Variants in TLN2 observed in about 807,000 individuals in gnomAD.
TLN2 encodes the protein talin 2, also known as talin-2.
A neutral mutation model predicts 294.7 loss-of-function variants in TLN2; 118 were observed. The ratio of observed to expected loss-of-function variants is 0.40; its 90% CI spans 0.34 to 0.47. The LOEUF is 0.47. Ranked by LOEUF, TLN2 falls within the 20% of genes least tolerant of loss-of-function variation. The probability of loss-of-function intolerance (pLI) is 0.84; values close to 1 mark genes in which losing one functional copy is unlikely to be tolerated. For synonymous variants in TLN2, 1,431 were observed against 1,304.5 expected (o/e 1.10, Z -2.09); for missense variants, 3,083 against 3,282.2 (o/e 0.94, Z 1.48).
chr15:62,566,724 A>G (rs897615625), intron 1 of TLN2, among the ~76,000 whole-genome samples: 10 of 151,860 alleles, frequency 6.6e-5, no homozygotes, highest in South Asian at 2.1e-4. Flanking sequence ...CCTGGACTCA[A>G]GAGATGCTCT....
chr15:62,541,692 G>A (rs1184697663), intron 1 of TLN2, among the ~76,000 whole-genome samples: 1 of 152,102 alleles, frequency 6.6e-6, no homozygotes, highest in Non-Finnish European at 1.5e-5. Context: ...TTTATACAGT[G>A]GGTAGCTTCC....
chr15:62,732,853 A>G (rs1456631182), intron 28 of TLN2, among the ~76,000 whole-genome samples: 2 of 152,206 alleles, frequency 1.3e-5, no homozygotes, highest in African/African-American at 2.4e-5. Context: ...ACACAGGACC[A>G]TTGGTAGGAG....
chr15:62,453,232 G>C (rs992536081), intron 1 of TLN2, among the ~76,000 whole-genome samples: 3 of 150,772 alleles, frequency 2.0e-5, no homozygotes, highest in African/African-American at 7.3e-5. Flanking sequence ...GGTGCAGAGA[G>C]AGAGGCCATT....
At chr15:62,522,478 A>G (rs2040510749) in intron 1 of TLN2, among the ~76,000 whole-genome samples, 1 of 152,168 alleles carries the variant, frequency 6.6e-6, no homozygotes, top group South Asian at 2.1e-4. Context: ...TGGCATATGG[A>G]TAGGTCTGTG....
intron 3 of TLN2, among the ~76,000 whole-genome samples, chr15:62,623,795 T>G (rs2140866826): frequency 6.6e-6 from 1 of 152,332 alleles, no homozygotes; most frequent in East Asian, 1.9e-4. Flanking sequence ...CATTTGGAGA[T>G]GAGAATAAGT....
At chr15:62,839,835 A>G (rs1365796573) in intron 58 of TLN2, among the ~76,000 whole-genome samples, 1 of 152,210 alleles carries the variant, frequency 6.6e-6, no homozygotes, top group Non-Finnish European at 1.5e-5. Context: ...ATAACACTGG[A>G]GAATACTGCA....
chr15:62,744,838 G>A lies in TLN2; in HGVS notation c.4026-3513G>A, dbSNP rs958152061. ...TGGGATTCTAGGCGTGAGTCACCGCGCCTGGCCTAGATTATTTTTTAATCT... is the reference window on the plus strand; with the variant it reads ...TGGGATTCTAGGCGTGAGTCACCGCACCTGGCCTAGATTATTTTTTAATCT... On this transcript the variant is annotated intron_variant, in intron 32 of 58. Transcript: ENST00000636159. Among the ~76,000 whole-genome samples the A allele has an allele frequency of 5.9e-5, 9 of 152,270 alleles. 1 individual carries two copies. The South Asian group carries it at 1.0e-3, about 18-fold the overall frequency.
chr15:62,690,592 CT>C (rs1207537926), intron 12 of TLN2: 1 of 166,048 alleles, frequency 6.0e-6, no homozygotes, highest in Non-Finnish European at 1.2e-5. Flanking sequence ...AGAGACGCTC[CT>C]TACTTCCCAG....
At chr15:62,654,314 GT>G (rs1329557571) in intron 7 of TLN2, among the ~76,000 whole-genome samples, 6 of 152,072 alleles carry the variant, frequency 3.9e-5, no homozygotes, top group Non-Finnish European at 5.9e-5. Flanking sequence ...AGATTTAAAT[GT>G]TTGTGTTTAT....
At chr15:62,784,227 C>T (rs1167392585) in intron 45 of TLN2, 1 of 398,270 alleles carries the variant, frequency 2.5e-6, no homozygotes, top group Non-Finnish European at 4.4e-6. Flanking sequence ...CTTATCACTT[C>T]CTACTCCAGT....
chr15:62,436,144 G>T (rs549639212), intron 1 of TLN2, among the ~76,000 whole-genome samples: 1 of 152,192 alleles, frequency 6.6e-6, no homozygotes, highest in African/African-American at 2.4e-5. Context: ...TTGACCTGCA[G>T]TTCTAATTCA....
chr15:62,450,773 A>G (rs937538312), intron 1 of TLN2, among the ~76,000 whole-genome samples: 9 of 151,850 alleles, frequency 5.9e-5, no homozygotes. Context: ...ATCTTGCAAT[A>G]TTGCCCAGGC....
intron 1 of TLN2, among the ~76,000 whole-genome samples, chr15:62,419,948 A>G (rs1391599803): frequency 1.3e-5 from 2 of 152,082 alleles, no homozygotes; most frequent in African/African-American, 4.8e-5. Flanking sequence ...TTGACAACCC[A>G]AGGGGCATCT....
rs747782492 is a variant in TLN2, at chr15:62,736,954, C to T, written c.3435C>T (p.Thr1145=). The T allele has an allele frequency of 1.8e-5, 29 of 1,614,080 alleles. No individual in the cohort carries two copies. The highest frequency in any genetic ancestry group is 1.6e-4 in the Middle Eastern group (1 of 6,084). ...QAARGVAAST[T]DPAAAHAMLD... ...CCCGTGGAGTGGCTGCATCGACAAC[C>T]GACCCCGCGGCCGCCCATGCCATGT... Residue 1145 remains threonine (T), a synonymous_variant, in exon 29 of 59, where the codon ACC becomes ACT. Transcript: ENST00000636159.
At position 62,841,977 on chromosome 15, in the gene TLN2, C is replaced by T. The variant is rs557326841; in HGVS notation, c.*1367C>T. The T allele has an allele frequency of 6.6e-6, 1 of 152,102 alleles. No homozygotes were observed. The highest frequency in any genetic ancestry group is 1.9e-4 in the East Asian group (1 of 5,174). 9.4% of individuals were successfully genotyped at this position (152,102 alleles called of 1,614,324 possible). ...GCACTCACCCTCCGCCTCTCTCTCT[C>T]TCTCTCTCTCTGGTGTGCTATCATG... On this transcript the variant is annotated 3_prime_UTR_variant, in exon 59 of 59. Transcript: ENST00000636159.
intron 1 of TLN2, among the ~76,000 whole-genome samples, chr15:62,473,090 C>T (rs906107109): frequency 3.9e-5 from 6 of 152,166 alleles, no homozygotes; most frequent in African/African-American, 1.4e-4. Context: ...CTGGCTTTTC[C>T]CAGACTGGGA....
chr15:62,531,241 C>T (rs945605592), intron 1 of TLN2, among the ~76,000 whole-genome samples: 3 of 152,078 alleles, frequency 2.0e-5, no homozygotes, highest in Non-Finnish European at 4.4e-5. Context: ...TACTATTCAG[C>T]CTTAAAAAAG....
chr15:62,406,468 TCTC>T (rs2033412581), intron 1 of TLN2, among the ~76,000 whole-genome samples: 1 of 152,202 alleles, frequency 6.6e-6, no homozygotes, highest in Admixed American at 6.5e-5. Context: ...CTCTGTGCCT[TCTC>T]CTGCAGAGTA....
intron 1 of TLN2, among the ~76,000 whole-genome samples, chr15:62,513,612 GA>G (rs2040040799): frequency 6.6e-6 from 1 of 152,158 alleles, no homozygotes; most frequent in African/African-American, 2.4e-5. Flanking sequence ...ACCCATTTGT[GA>G]AATGGCCCAT....
Sources: gnomAD v4.1 joint callset for allele counts (sites outside exome capture counted in the v4.1 genomes callset) on GRCh38, gnomAD v4.1.1 for gene constraint, MANE v1.5 for transcripts, NCBI Gene and HGNC (gene_info 2026-07-23, HGNC 2026-07-21) for gene names.